Variants in CNTNAP2 observed in about 807,000 individuals in gnomAD.
CNTNAP2 encodes the protein contactin-associated protein-like 2.
CNTNAP2 carries 98 observed loss-of-function variants against 155.2 expected under a neutral mutation model. The observed-to-expected ratio is 0.63, with a 90% CI of 0.54 to 0.75. The LOEUF (loss-of-function observed/expected upper bound fraction) is 0.75. CNTNAP2 is among the 30% of genes least tolerant of loss of function. The probability of loss-of-function intolerance (pLI) is 0.00; values close to 1 mark genes in which losing one functional copy is unlikely to be tolerated. For synonymous variants in CNTNAP2, 651 were observed against 631.2 expected, an observed-to-expected ratio of 1.03 and a Z score of -0.47; for missense variants, 1,727 against 1,688.1, an observed-to-expected ratio of 1.02 and a Z score of -0.40.
intron 4 of CNTNAP2, among the ~76,000 whole-genome samples, chr7:147,065,405 A>G (rs1009242902): frequency 6.6e-6 from 1 of 152,202 alleles, no homozygotes; most frequent in African/African-American, 2.4e-5. Flanking sequence ...GTATGAGCCT[A>G]TTTGTTCTAA....
At chr7:147,554,795 A>T (rs186071246) in intron 11 of CNTNAP2, among the ~76,000 whole-genome samples, 1 of 152,120 alleles carries the variant, frequency 6.6e-6, no homozygotes, top group Non-Finnish European at 1.5e-5. Flanking sequence ...TAATGAGACA[A>T]TGGTTCCTAA....
chr7:146,399,279 T>C (rs1299997540), intron 1 of CNTNAP2, among the ~76,000 whole-genome samples: 1 of 152,188 alleles, frequency 6.6e-6, no homozygotes, highest in Non-Finnish European at 1.5e-5. Flanking sequence ...TTATTCCCAT[T>C]GTCTAACTGA....
chr7:146,346,288 T>A (rs1794818155), intron 1 of CNTNAP2, among the ~76,000 whole-genome samples: 1 of 152,162 alleles, frequency 6.6e-6, no homozygotes, highest in East Asian at 1.9e-4. Flanking sequence ...CCACCTGAGC[T>A]TGGCCTCCTG....
chr7:146,890,730 G>T (rs1795757555), intron 3 of CNTNAP2, among the ~76,000 whole-genome samples: 1 of 152,048 alleles, frequency 6.6e-6, no homozygotes, highest in Non-Finnish European at 1.5e-5. Context: ...TTTTCTTTAG[G>T]CTTTTAAACA....
At chr7:148,380,809 C>T (rs1199479089) in intron 21 of CNTNAP2, among the ~76,000 whole-genome samples, 5 of 152,222 alleles carry the variant, frequency 3.3e-5, no homozygotes, top group Non-Finnish European at 7.3e-5. Context: ...CCATCATGTA[C>T]TGCCCTTGGT....
intron 13 of CNTNAP2, among the ~76,000 whole-genome samples, chr7:147,682,641 A>T (rs1319928235): frequency 6.6e-6 from 1 of 151,942 alleles, no homozygotes; most frequent in East Asian, 1.9e-4. Context: ...TGGGACTCTT[A>T]CATTTACAGC....
intron 12 of CNTNAP2, among the ~76,000 whole-genome samples, chr7:147,580,577 A>G (rs1354982449): frequency 6.6e-6 from 1 of 151,374 alleles, no homozygotes; most frequent in Non-Finnish European, 1.5e-5. Flanking sequence ...GTCTATTTCC[A>G]TCGGTTTGCA....
chr7:147,891,239 C>G (rs1799687951), intron 13 of CNTNAP2, among the ~76,000 whole-genome samples: 1 of 150,490 alleles, frequency 6.6e-6, no homozygotes, highest in South Asian at 2.1e-4. Context: ...GAGTCTCACT[C>G]TGTCGCCCAG....
chr7:148,203,198 TA>T (rs1795393556), intron 18 of CNTNAP2, among the ~76,000 whole-genome samples: 1 of 152,048 alleles, frequency 6.6e-6, no homozygotes, highest in Admixed American at 6.5e-5. Flanking sequence ...GGTGGGGGAA[TA>T]AAATGAAAAA....
chr7:146,278,235 C>T (rs966041997), intron 1 of CNTNAP2, among the ~76,000 whole-genome samples: 1 of 152,172 alleles, frequency 6.6e-6, no homozygotes, highest in East Asian at 1.9e-4. Context: ...TTTGCCCCTT[C>T]TGCAGATAGC....
chr7:147,176,012 G>T (rs908447722), intron 8 of CNTNAP2, among the ~76,000 whole-genome samples: 1 of 152,130 alleles, frequency 6.6e-6, no homozygotes, highest in Non-Finnish European at 1.5e-5. Flanking sequence ...AGGACATTTT[G>T]TGTGTCCCTA....
intron 13 of CNTNAP2, among the ~76,000 whole-genome samples, chr7:147,750,191 A>C (rs982523335): frequency 3.9e-5 from 6 of 152,206 alleles, no homozygotes; most frequent in African/African-American, 1.4e-4. Context: ...TATTTTGAGC[A>C]TTAAGTTGGA....
At chr7:147,454,830 T>A (rs1162322642) in intron 10 of CNTNAP2, among the ~76,000 whole-genome samples, 2 of 152,060 alleles carry the variant, frequency 1.3e-5, no homozygotes, top group African/African-American at 2.4e-5. Context: ...CTGCCAGCAC[T>A]GCAACTTTAA....
At chr7:146,119,535 C>T (rs1441268022) in intron 1 of CNTNAP2, among the ~76,000 whole-genome samples, 1 of 151,994 alleles carries the variant, frequency 6.6e-6, no homozygotes, top group Non-Finnish European at 1.5e-5. Context: ...GTGTATCTTC[C>T]CTTCCTGTAA....
Position 146,346,993 on chromosome 7 carries a change from A to G in CNTNAP2, c.97+230020A>G, listed in dbSNP as rs1202171350. ...GGGCAAGAAAGAAAGGGATCGATGA[A>G]AAATATGCCTCCTATACAGAACCAA... On this transcript the variant is annotated intron_variant, in intron 1 of 23. Coordinates refer to ENST00000361727, the MANE Select transcript of CNTNAP2 (RefSeq NM_014141.6). Among the ~76,000 whole-genome samples the G allele has an allele frequency of 2.1e-4, 32 of 151,950 alleles. 1 individual carries two copies. The highest frequency in any genetic ancestry group is 2.0e-3 in the Admixed American group (31 of 15,264).
intron 1 of CNTNAP2, among the ~76,000 whole-genome samples, chr7:146,145,633 G>T (rs1389744599): frequency 6.6e-6 from 1 of 152,052 alleles, no homozygotes; most frequent in Admixed American, 6.6e-5. Flanking sequence ...AGCTCTCCTT[G>T]TCCAATTGTC....
intron 1 of CNTNAP2, among the ~76,000 whole-genome samples, chr7:146,758,944 T>C (rs190904830): frequency 1.5e-3 from 228 of 152,284 alleles, no homozygotes; most frequent in African/African-American, 5.2e-3. Context: ...TGAGAAGCAC[T>C]ATCAATTTGC....
intron 16 of CNTNAP2, among the ~76,000 whole-genome samples, chr7:148,127,760 TC>T (rs1422219565): frequency 1.4e-4 from 21 of 152,368 alleles, no homozygotes; most frequent in African/African-American, 5.0e-4. Flanking sequence ...AATGTCTAAT[TC>T]CACTTAACTG....
At chr7:146,575,706 G>A (rs1312480712) in intron 1 of CNTNAP2, among the ~76,000 whole-genome samples, 1 of 152,224 alleles carries the variant, frequency 6.6e-6, no homozygotes, top group East Asian at 1.9e-4. Flanking sequence ...AAGTTTGAAA[G>A]AAATGTAACA....
Sources: allele counts gnomAD v4.1 joint callset (sites outside exome capture counted in the v4.1 genomes callset), GRCh38; gene constraint gnomAD v4.1.1; transcripts MANE v1.5; gene names NCBI Gene and HGNC (gene_info 2026-07-23, HGNC 2026-07-21).